XKR4: variants seen among roughly 807,000 people sequenced by gnomAD.
XKR4 encodes XK related 4.
Under a neutral mutation model 53.9 loss-of-function variants are expected in XKR4, and 12 were observed. The observed-to-expected ratio is 0.22, with a 90% CI of 0.14 to 0.36. The LOEUF (loss-of-function observed/expected upper bound fraction) is 0.36, where lower values mean the gene tolerates loss of function less well. XKR4 is among the 10% of genes least tolerant of loss of function. The pLI is 1.00. For synonymous variants in XKR4, 354 were observed against 362.4 expected (o/e 0.98, Z 0.26); for missense variants, 799 against 859.5 (o/e 0.93, Z 0.88).
chr8:55,304,438 A>G (rs1460969529), intron 1 of XKR4, among the ~76,000 whole-genome samples: 1 of 152,150 alleles, frequency 6.6e-6, no homozygotes, highest in Non-Finnish European at 1.5e-5. Context: ...ATTTTGGAAT[A>G]GGTGTGGTGT....
At chr8:55,208,616 A>G (rs1735926101) in intron 1 of XKR4, among the ~76,000 whole-genome samples, 1 of 151,842 alleles carries the variant, frequency 6.6e-6, no homozygotes, top group Non-Finnish European at 1.5e-5. Context: ...ACAGGCGCCC[A>G]CCACCACACC....
intron 2 of XKR4, among the ~76,000 whole-genome samples, chr8:55,400,240 C>T (rs529977366): frequency 1.3e-5 from 2 of 152,196 alleles, no homozygotes; most frequent in African/African-American, 2.4e-5. Context: ...TCCTCTAGCT[C>T]ATGATGGGTG....
At chr8:55,394,747 TA>T in intron 2 of XKR4, among the ~76,000 whole-genome samples, 1 of 152,322 alleles carries the variant, frequency 6.6e-6, no homozygotes, top group Non-Finnish European at 1.5e-5. Context: ...ACCATGACAT[TA>T]ATTATCACTT....
intron 2 of XKR4, among the ~76,000 whole-genome samples, chr8:55,443,570 G>T (rs1805301817): frequency 6.9e-6 from 1 of 144,874 alleles, no homozygotes; most frequent in Admixed American, 6.9e-5. Context: ...AAGGAGGGGA[G>T]CAGTGGCTCA....
At chr8:55,219,342 T>C (rs1328080583) in intron 1 of XKR4, among the ~76,000 whole-genome samples, 1 of 152,136 alleles carries the variant, frequency 6.6e-6, no homozygotes, top group Non-Finnish European at 1.5e-5. Flanking sequence ...ATGCTGAGAG[T>C]AGCAATTCAT....
At chr8:55,450,740 C>T (rs1840712971) in intron 2 of XKR4, 4 of 582,296 alleles carry the variant, frequency 6.9e-6, no homozygotes, top group South Asian at 6.5e-5. Context: ...TCCTTCTCCA[C>T]CAGCAGGTGG....
chr8:55,306,938 G>GAA (rs76863433), intron 1 of XKR4, among the ~76,000 whole-genome samples: 7 of 119,880 alleles, frequency 5.8e-5, no homozygotes, highest in East Asian at 2.5e-4. Flanking sequence ...TCCATATGCA[G>GAA]AAAAAAAAAA....
At chr8:55,468,966 T>C (rs1298105091) in intron 2 of XKR4, among the ~76,000 whole-genome samples, 1 of 152,168 alleles carries the variant, frequency 6.6e-6, no homozygotes, top group Non-Finnish European at 1.5e-5. Context: ...AAACTCTTGC[T>C]ATCCCTCTCG....
chr8:55,451,791 A>T, intron 2 of XKR4: 1 of 1,021,380 alleles, frequency 9.8e-7, no homozygotes, highest in South Asian at 1.3e-5. Context: ...CAAGGCACTG[A>T]TAGTCGCGGC....
chr8:55,346,502 T>G (rs899253451), intron 1 of XKR4, among the ~76,000 whole-genome samples: 88 of 152,204 alleles, frequency 5.8e-4, no homozygotes, highest in Non-Finnish European at 1.0e-4. Flanking sequence ...CCATAGAATG[T>G]AGGCCAGAAT....
At chr8:55,214,006 C>T (rs1376579171) in intron 1 of XKR4, among the ~76,000 whole-genome samples, 12 of 151,602 alleles carry the variant, frequency 7.9e-5, no homozygotes, top group African/African-American at 2.2e-4. Context: ...GGATTACAGG[C>T]GTGCGCCACC....
chr8:55,372,020 G>T (rs944270047), intron 2 of XKR4, among the ~76,000 whole-genome samples: 1 of 152,204 alleles, frequency 6.6e-6, no homozygotes, highest in African/African-American at 2.4e-5. Context: ...TCCCTCTGAG[G>T]TGTGGTGAGC....
intron 1 of XKR4, among the ~76,000 whole-genome samples, chr8:55,157,015 T>C (rs1355519642): frequency 6.6e-6 from 1 of 152,342 alleles, no homozygotes; most frequent in Non-Finnish European, 1.5e-5. Context: ...ACATAATCAC[T>C]TTTCATTGTG....
intron 1 of XKR4, among the ~76,000 whole-genome samples, chr8:55,161,080 T>A (rs1257882025): frequency 6.6e-6 from 1 of 152,194 alleles, no homozygotes; most frequent in East Asian, 1.9e-4. Flanking sequence ...CTTTGGTGGT[T>A]ATCTCTTCCA....
chr8:55,449,781 C>G (rs1382901967), intron 2 of XKR4: 5 of 1,184,464 alleles, frequency 4.2e-6, no homozygotes, highest in Non-Finnish European at 6.3e-6. Flanking sequence ...AACCAGCGGG[C>G]CTTCCAGGGC....
At chr8:55,142,849 C>G (rs1816724923) in intron 1 of XKR4, among the ~76,000 whole-genome samples, 1 of 152,222 alleles carries the variant, frequency 6.6e-6, no homozygotes, top group Admixed American at 6.5e-5. Context: ...CCAGGAGCAT[C>G]TACAGAATGA....
At chr8:55,155,485 T>C (rs1297180233) in intron 1 of XKR4, among the ~76,000 whole-genome samples, 1 of 150,982 alleles carries the variant, frequency 6.6e-6, no homozygotes, top group Admixed American at 6.6e-5. Flanking sequence ...AATAACAGGA[T>C]GTTGTAAAAA....
intron 2 of XKR4, among the ~76,000 whole-genome samples, chr8:55,468,749 C>T (rs1436927064): frequency 6.6e-6 from 1 of 152,108 alleles, no homozygotes; most frequent in Non-Finnish European, 1.5e-5. Flanking sequence ...GTGAAACAAG[C>T]TGATCTCTAA....
intron 2 of XKR4, among the ~76,000 whole-genome samples, chr8:55,369,040 G>A (rs2658913): frequency 0.091 from 13,861 of 152,082 alleles, 705 homozygotes; most frequent in South Asian, 0.12. Context: ...TGAAGGAGAA[G>A]GTATAAATCA....
Sources: allele counts gnomAD v4.1 joint callset (sites outside exome capture counted in the v4.1 genomes callset), GRCh38; gene constraint gnomAD v4.1.1; transcripts MANE v1.5; gene names NCBI Gene and HGNC (gene_info 2026-07-23, HGNC 2026-07-21).